TMEM163: variants seen among roughly 807,000 people sequenced by gnomAD.
TMEM163 encodes the protein transmembrane protein 163.
A neutral mutation model predicts 29.3 loss-of-function variants in TMEM163; 17 were observed. The observed-to-expected ratio is 0.58, with a 90% CI of 0.40 to 0.87. The LOEUF is 0.87. TMEM163 is among the 40% of genes least tolerant of loss of function. TMEM163 has a pLI of 0.00. For synonymous variants in TMEM163, 157 were observed against 160.6 expected (o/e 0.98, Z 0.17); for missense variants, 303 against 381.5 (o/e 0.79, Z 1.71).
intron 4 of TMEM163, among the ~76,000 whole-genome samples, chr2:134,519,889 CAA>C (rs552174731): frequency 0.01 from 989 of 96,148 alleles, 9 homozygotes; most frequent in African/African-American, 0.032. Flanking sequence ...GACCCCACCT[CAA>C]AAAAAAAAAA....
chr2:134,669,146 G>A (rs1469478094), intron 2 of TMEM163, among the ~76,000 whole-genome samples: 2 of 152,174 alleles, frequency 1.3e-5, no homozygotes, highest in Non-Finnish European at 1.5e-5. Flanking sequence ...CTTTGATCAC[G>A]ACCAGGATAT....
chr2:134,623,570 C>T (rs1682785061), intron 2 of TMEM163, among the ~76,000 whole-genome samples: 1 of 152,100 alleles, frequency 6.6e-6, no homozygotes, highest in Non-Finnish European at 1.5e-5. Context: ...GAGTTCAAGA[C>T]CAGCCTGACC....
chr2:134,530,243 GA>G (rs1016204226), intron 4 of TMEM163, among the ~76,000 whole-genome samples: 14 of 151,994 alleles, frequency 9.2e-5, no homozygotes, highest in African/African-American at 2.7e-4. Flanking sequence ...GGCAGTTAGA[GA>G]AAAAAAATGC....
chr2:134,648,965 A>G (rs1199693195), intron 2 of TMEM163, among the ~76,000 whole-genome samples: 2 of 152,214 alleles, frequency 1.3e-5, no homozygotes, highest in Non-Finnish European at 2.9e-5. Context: ...CTACTAAGAA[A>G]TCGTTATATA....
chr2:134,549,693 T>C (rs1359904626), intron 4 of TMEM163, among the ~76,000 whole-genome samples: 2 of 152,138 alleles, frequency 1.3e-5, no homozygotes, highest in East Asian at 3.9e-4. Flanking sequence ...GAAAGGGGCA[T>C]TTACTCATTT....
At chr2:134,651,796 T>C (rs1251868993) in intron 2 of TMEM163, among the ~76,000 whole-genome samples, 3 of 120,110 alleles carry the variant, frequency 2.5e-5, no homozygotes, top group Admixed American at 8.4e-5. Flanking sequence ...ATTTATTAAA[T>C]AGGGAATCCT....
At chr2:134,610,469 G>A (rs1682479750) in intron 2 of TMEM163, among the ~76,000 whole-genome samples, 1 of 152,188 alleles carries the variant, frequency 6.6e-6, no homozygotes, top group Non-Finnish European at 1.5e-5. Flanking sequence ...GGTCTGGGGG[G>A]AGGTCTGGGG....
At chr2:134,601,453 C>T (rs1354677011) in intron 2 of TMEM163, among the ~76,000 whole-genome samples, 3 of 152,228 alleles carry the variant, frequency 2.0e-5, no homozygotes, top group Non-Finnish European at 2.9e-5. Context: ...GCCGGAGCCC[C>T]GGAAGCCAGT....
intron 1 of TMEM163, among the ~76,000 whole-genome samples, chr2:134,717,522 G>A (rs567270754): frequency 1.3e-5 from 2 of 152,320 alleles, no homozygotes; most frequent in South Asian, 4.2e-4. Context: ...AATTTCTAAG[G>A]AGAAAGAGAT....
chr2:134,597,235 A>G (rs1392385844), intron 2 of TMEM163, among the ~76,000 whole-genome samples: 2 of 152,216 alleles, frequency 1.3e-5, no homozygotes, highest in Non-Finnish European at 2.9e-5. Flanking sequence ...ATTCAGCATG[A>G]TATTGGCTGT....
At chr2:134,585,710 C>G (rs902629143) in intron 2 of TMEM163, among the ~76,000 whole-genome samples, 20 of 150,654 alleles carry the variant, frequency 1.3e-4, no homozygotes, top group African/African-American at 4.4e-4. Flanking sequence ...CCACTGCACT[C>G]CAGCCTGGGC....
chr2:134,623,839 C>A (rs1421184039), intron 2 of TMEM163, among the ~76,000 whole-genome samples: 1 of 152,180 alleles, frequency 6.6e-6, no homozygotes, highest in Non-Finnish European at 1.5e-5. Context: ...CAGTTAGCAA[C>A]AACCTAATAG....
intron 3 of TMEM163, among the ~76,000 whole-genome samples, 171 bp downstream of exon 3, chr2:134,551,877 G>A (rs948846578): frequency 5.3e-5 from 8 of 152,122 alleles, no homozygotes; most frequent in Admixed American, 6.5e-5. Context: ...CCTCATTGCC[G>A]CTTAATTCTG....
chr2:134,631,414 T>G (rs1208167455), intron 2 of TMEM163, among the ~76,000 whole-genome samples: 1 of 152,206 alleles, frequency 6.6e-6, no homozygotes, highest in East Asian at 1.9e-4. Context: ...CCTGTGCAAT[T>G]AGGTCTAGCA....
chr2:134,686,254 CTTT>C (rs1368510777), intron 2 of TMEM163, among the ~76,000 whole-genome samples: 3 of 152,316 alleles, frequency 2.0e-5, no homozygotes, highest in African/African-American at 7.2e-5. Flanking sequence ...AAGGTAAAAG[CTTT>C]TTAAGTGAAC....
intron 2 of TMEM163, among the ~76,000 whole-genome samples, chr2:134,557,938 T>C (rs1158845854): frequency 6.6e-6 from 1 of 152,158 alleles, no homozygotes; most frequent in Admixed American, 6.5e-5. Context: ...TTGGGGGTCC[T>C]GAGATTTATT....
chr2:134,696,509 T>C (rs1373895037), intron 2 of TMEM163, among the ~76,000 whole-genome samples: 2 of 152,138 alleles, frequency 1.3e-5, no homozygotes, highest in African/African-American at 4.8e-5. Flanking sequence ...CCTTATTAGA[T>C]TGTCTTCCCA....
At chr2:134,644,347 C>T (rs567734228) in intron 2 of TMEM163, among the ~76,000 whole-genome samples, 1 of 152,130 alleles carries the variant, frequency 6.6e-6, no homozygotes, top group South Asian at 2.1e-4. Context: ...GAATACACTA[C>T]CCAATTTGAA....
intron 2 of TMEM163, among the ~76,000 whole-genome samples, chr2:134,663,355 C>G (rs73958778): frequency 0.1 from 15,802 of 152,206 alleles, 973 homozygotes; most frequent in South Asian, 0.17. Context: ...GTGAGGCAAA[C>G]ATGCGGGACA....
Sources: gnomAD v4.1 joint callset for allele counts (sites outside exome capture counted in the v4.1 genomes callset) on GRCh38, gnomAD v4.1.1 for gene constraint, MANE v1.5 for transcripts, NCBI Gene and HGNC (gene_info 2026-07-23, HGNC 2026-07-21) for gene names.